The following SIL1 variants were observed in gnomAD, a reference collection of about 807,000 sequenced individuals.
The protein encoded by SIL1 is nucleotide exchange factor SIL1.
SIL1 carries 40 observed loss-of-function variants against 49.1 expected under a neutral mutation model. The observed-to-expected ratio is 0.81, with a 90% CI of 0.63 to 1.06. SIL1 has a LOEUF of 1.06. Among genes scored for constraint, SIL1 ranks in the 50% least tolerant of loss-of-function variants. The pLI is 0.00. For synonymous variants in SIL1, 253 were observed against 250.8 expected (o/e 1.01, Z -0.08); for missense variants, 500 against 572.6 (o/e 0.87, Z 1.29).
At chr5:139,049,793 T>TAA (rs746363870) in intron 4 of SIL1, among the ~76,000 whole-genome samples, 14 of 117,638 alleles carry the variant, frequency 1.2e-4, no homozygotes, top group South Asian at 2.7e-4. Flanking sequence ...ACCCTATCTC[T>TAA]AAAAAAAAAA....
At chr5:139,016,504 A>C (rs548201230) in intron 7 of SIL1, among the ~76,000 whole-genome samples, 34 of 152,180 alleles carry the variant, frequency 2.2e-4, no homozygotes, top group African/African-American at 7.2e-4. Context: ...GAGAAGGAGG[A>C]CAAGGCTGGA....
At chr5:138,951,086 C>T (rs528410861) in intron 9 of SIL1, 85 bp downstream of exon 9, 184 of 1,456,514 alleles carry the variant, frequency 1.3e-4, no homozygotes, top group African/African-American at 4.4e-4. Context: ...AAGTGACGTC[C>T]GCAGTCTCTT....
At chr5:139,058,342 A>T (rs1769504374) in intron 3 of SIL1, among the ~76,000 whole-genome samples, 1 of 152,136 alleles carries the variant, frequency 6.6e-6, no homozygotes, top group African/African-American at 2.4e-5. Flanking sequence ...ACTAAAAAAA[A>T]AAACACCAAA....
chr5:138,982,254 G>C (rs1388496232), intron 7 of SIL1, among the ~76,000 whole-genome samples: 1 of 152,192 alleles, frequency 6.6e-6, no homozygotes, highest in East Asian at 1.9e-4. Context: ...CCCTGAGCAT[G>C]TTTGCCATGG....
intron 7 of SIL1, among the ~76,000 whole-genome samples, chr5:138,998,893 G>A (rs1025752198): frequency 2.7e-5 from 2 of 75,292 alleles, no homozygotes; most frequent in African/African-American, 5.2e-5. Context: ...TTTTGTTCTT[G>A]TCATCCAGGC....
intron 7 of SIL1, among the ~76,000 whole-genome samples, chr5:139,018,646 G>T (rs1275002464): frequency 6.7e-6 from 1 of 148,902 alleles, no homozygotes; most frequent in African/African-American, 2.5e-5. Context: ...GAATATAAGC[G>T]ACTTAACAGA....
chr5:139,056,881 G>C (rs1335333560), intron 3 of SIL1, among the ~76,000 whole-genome samples: 1 of 152,018 alleles, frequency 6.6e-6, no homozygotes, highest in African/African-American at 2.4e-5. Flanking sequence ...AGAAAGGGGG[G>C]AAAGGTGGGG....
intron 3 of SIL1, among the ~76,000 whole-genome samples, chr5:139,064,037 T>G (rs1042678103): frequency 1.3e-5 from 2 of 152,214 alleles, no homozygotes; most frequent in African/African-American, 4.8e-5. Flanking sequence ...ACTTCAATTT[T>G]TAATCCTTTT....
chr5:139,127,912 G>T, intron 1 of SIL1, 59 bp from the exon 2 acceptor site: 1 of 1,064,102 alleles, frequency 9.4e-7, no homozygotes, highest in Non-Finnish European at 1.4e-6. Flanking sequence ...TGGTTCCCCC[G>T]CACTGTGATT....
intron 4 of SIL1, among the ~76,000 whole-genome samples, chr5:139,049,812 AT>A (rs756029492): frequency 7.7e-4 from 116 of 150,824 alleles, no homozygotes; most frequent in African/African-American, 1.2e-3. Context: ...AAAAAAAAAA[AT>A]CATCATCATC....
intron 7 of SIL1, among the ~76,000 whole-genome samples, chr5:139,010,283 G>A (rs1337836601): frequency 1.3e-5 from 2 of 148,234 alleles, no homozygotes; most frequent in Non-Finnish European, 3.0e-5. Flanking sequence ...CATTCTTCAC[G>A]TAGTTCTCGA....
intron 7 of SIL1, chr5:139,014,141 G>A (rs979542637): frequency 6.6e-6 from 1 of 152,148 alleles, no homozygotes; most frequent in Non-Finnish European, 1.5e-5. Context: ...GCTGAGGCAG[G>A]TGGATCACCT....
intron 6 of SIL1, among the ~76,000 whole-genome samples, chr5:139,025,566 T>C (rs772530153): frequency 9.2e-5 from 14 of 152,310 alleles, no homozygotes; most frequent in Non-Finnish European, 1.5e-4. Context: ...AACTCTCTAG[T>C]GGTTCTTAGG....
At position 139,040,202 on chromosome 5, in the gene SIL1, C is replaced by A. The variant is rs1167516798; in HGVS notation, c.453+2418G>T. On this transcript the variant is annotated intron_variant, in intron 5 of 9. Coordinates refer to ENST00000394817, the MANE Select transcript of SIL1 (RefSeq NM_022464.5). ...TGATATATGTAAGAAACTCCCCAAC[C>A]AATTTCAAATCCATTTATTTGCCAA... is the stretch of plus-strand genomic sequence containing the variant. Among the ~76,000 whole-genome samples, 14 of 152,290 alleles carry A rather than the reference C, an allele frequency of 9.2e-5. 1 individual carries two copies. The East Asian group carries it at 2.7e-3, about 29-fold the overall frequency.
intron 1 of SIL1, among the ~76,000 whole-genome samples, chr5:139,175,166 T>C (rs1366183852): frequency 6.6e-6 from 1 of 151,646 alleles, no homozygotes; most frequent in Non-Finnish European, 1.5e-5. Flanking sequence ...TACTAAAAAA[T>C]ACAAAAATTA....
chr5:138,950,440 G>A (rs891610995), intron 9 of SIL1, among the ~76,000 whole-genome samples: 5 of 152,236 alleles, frequency 3.3e-5, no homozygotes, highest in South Asian at 2.1e-4. Flanking sequence ...TGGGGGAGGC[G>A]TGTGCAGAGG....
chr5:139,011,092 C>T (rs550229347), intron 7 of SIL1, among the ~76,000 whole-genome samples: 282 of 151,286 alleles, frequency 1.9e-3, no homozygotes, highest in African/African-American at 6.5e-3. Flanking sequence ...TGATCTCAGA[C>T]TGCTGTGCTA....
At chr5:139,197,370 A>T (rs191722618) in intron 1 of SIL1, among the ~76,000 whole-genome samples, 64 of 151,818 alleles carry the variant, frequency 4.2e-4, no homozygotes, top group South Asian at 2.3e-3. Flanking sequence ...AGTTTGGGTT[A>T]ACTTAACCCC....
intron 1 of SIL1, among the ~76,000 whole-genome samples, chr5:139,132,208 G>A (rs1750879350): frequency 6.6e-6 from 1 of 152,164 alleles, no homozygotes; most frequent in South Asian, 2.1e-4. Context: ...AGCAGAAGGG[G>A]GAGGCCCAGA....
Sources: allele counts gnomAD v4.1 joint callset (sites outside exome capture counted in the v4.1 genomes callset), GRCh38; gene constraint gnomAD v4.1.1; transcripts MANE v1.5; gene names NCBI Gene and HGNC (gene_info 2026-07-23, HGNC 2026-07-21).